Variants in GPC5 observed in about 807,000 individuals in gnomAD.
The protein encoded by GPC5 is glypican 5.
Under a neutral mutation model 53.9 loss-of-function variants are expected in GPC5, and 47 were observed. That is an observed-to-expected ratio of 0.87 (90% CI 0.69 to 1.11). The LOEUF is 1.11. Ranked by LOEUF, GPC5 falls within the 50% of genes most tolerant of loss-of-function variation. The pLI is 0.00. For synonymous variants in GPC5, 286 were observed against 263.3 expected (o/e 1.09, Z -0.84); for missense variants, 748 against 713.1 (o/e 1.05, Z -0.56).
At chr13:92,515,953 G>A (rs1001344322) in intron 7 of GPC5, among the ~76,000 whole-genome samples, 6 of 152,072 alleles carry the variant, frequency 3.9e-5, no homozygotes, top group African/African-American at 1.4e-4. Context: ...CAGACAAGAA[G>A]CACTTAAGCG....
chr13:91,848,351 G>A (rs942799726), intron 5 of GPC5, among the ~76,000 whole-genome samples: 3 of 152,166 alleles, frequency 2.0e-5, no homozygotes, highest in African/African-American at 2.4e-5. Context: ...CTCGCATACC[G>A]AAAACTAGTA....
chr13:92,445,179 T>TCTTTCCTTGCTCCTTTC (rs1877747150), intron 7 of GPC5, among the ~76,000 whole-genome samples: 1 of 151,202 alleles, frequency 6.6e-6, no homozygotes, highest in African/African-American at 2.4e-5. Context: ...TTTCTCCTTT[T>TCTTTCCTTGCTCCTTTC]CTTTCCTTGC....
intron 7 of GPC5, among the ~76,000 whole-genome samples, chr13:92,814,075 T>G (rs1298730808): frequency 6.6e-6 from 1 of 151,994 alleles, no homozygotes; most frequent in Non-Finnish European, 1.5e-5. Context: ...GAACCTGTAT[T>G]TATATGGTCA....
chr13:91,760,251 C>G (rs943235194), intron 5 of GPC5, among the ~76,000 whole-genome samples: 1 of 152,108 alleles, frequency 6.6e-6, no homozygotes, highest in African/African-American at 2.4e-5. Context: ...TATTGAACTG[C>G]TGAATTTATC....
At chr13:92,124,083 T>A (rs1275858170) in intron 6 of GPC5, among the ~76,000 whole-genome samples, 2 of 151,338 alleles carry the variant, frequency 1.3e-5, no homozygotes, top group Admixed American at 6.6e-5. Context: ...AAGGTACATA[T>A]AAACAATATA....
At chr13:92,791,524 T>C (rs1876463697) in intron 7 of GPC5, among the ~76,000 whole-genome samples, 1 of 151,904 alleles carries the variant, frequency 6.6e-6, no homozygotes, top group African/African-American at 2.4e-5. Context: ...TCATCATTTG[T>C]AGAGAATTTT....
chr13:92,803,112 T>C (rs1296017271), intron 7 of GPC5, among the ~76,000 whole-genome samples: 4 of 151,974 alleles, frequency 2.6e-5, no homozygotes, highest in Non-Finnish European at 5.9e-5. Flanking sequence ...TTGTTTAACT[T>C]GGCTAGAATT....
At chr13:92,170,810 T>C (rs918444246) in intron 7 of GPC5, among the ~76,000 whole-genome samples, 1 of 152,198 alleles carries the variant, frequency 6.6e-6, no homozygotes, top group Admixed American at 6.5e-5. Flanking sequence ...AAACTGTTGT[T>C]TTTTAAATTC....
chr13:92,359,877 G>T (rs2043551916), intron 7 of GPC5, among the ~76,000 whole-genome samples: 1 of 151,712 alleles, frequency 6.6e-6, no homozygotes, highest in Non-Finnish European at 1.5e-5. Flanking sequence ...TTTGACATGA[G>T]ATTGGGGTAG....
chr13:92,658,732 G>A (rs2139180103), intron 7 of GPC5, among the ~76,000 whole-genome samples: 1 of 151,904 alleles, frequency 6.6e-6, no homozygotes, highest in South Asian at 2.1e-4. Context: ...ATAGAGATGA[G>A]GAAAAAAAGA....
intron 2 of GPC5, among the ~76,000 whole-genome samples, chr13:91,534,209 CAT>C (rs35476128): frequency 0.73 from 111,323 of 151,816 alleles, 42,284 homozygotes; most frequent in East Asian, 1. Flanking sequence ...AGTTGAAAAA[CAT>C]ATTCTCCCCT....
intron 7 of GPC5, among the ~76,000 whole-genome samples, chr13:92,856,478 A>G (rs967955844): frequency 2.6e-5 from 4 of 151,992 alleles, no homozygotes; most frequent in African/African-American, 4.8e-5. Context: ...TGTAATATTG[A>G]AAGTGCCACC....
chr13:92,073,781 G>T (rs1338263577), intron 6 of GPC5, among the ~76,000 whole-genome samples: 1 of 152,066 alleles, frequency 6.6e-6, no homozygotes, highest in Non-Finnish European at 1.5e-5. Flanking sequence ...GTATGGTTTC[G>T]CTGTGTCCCC....
At chr13:92,471,721 T>G (rs576814399) in intron 7 of GPC5, among the ~76,000 whole-genome samples, 1 of 152,232 alleles carries the variant, frequency 6.6e-6, no homozygotes, top group African/African-American at 2.4e-5. Context: ...TACAGTGACT[T>G]TAAGACAACT....
intron 7 of GPC5, among the ~76,000 whole-genome samples, chr13:92,411,054 C>T (rs533492027): frequency 2.0e-5 from 3 of 152,144 alleles, no homozygotes; most frequent in East Asian, 1.9e-4. Context: ...GGCCATCCTA[C>T]GGTGAAACCC....
intron 7 of GPC5, among the ~76,000 whole-genome samples, chr13:92,503,001 A>G (rs1880245257): frequency 6.6e-6 from 1 of 152,014 alleles, no homozygotes; most frequent in South Asian, 2.1e-4. Context: ...GTTCTACAAT[A>G]ATAATCAACT....
chr13:92,858,594 T>A (rs772112330), intron 7 of GPC5, among the ~76,000 whole-genome samples: 2 of 152,020 alleles, frequency 1.3e-5, no homozygotes, highest in Non-Finnish European at 2.9e-5. Flanking sequence ...TAGTTAACAG[T>A]GAGAGTTAAA....
chr13:91,736,986 C>T (rs1254346933), intron 4 of GPC5, among the ~76,000 whole-genome samples: 3 of 150,988 alleles, frequency 2.0e-5, no homozygotes, highest in South Asian at 2.1e-4. Context: ...TGATGGTAGT[C>T]CCAGCTATTC....
intron 7 of GPC5, among the ~76,000 whole-genome samples, chr13:92,588,091 A>G (rs1016300515): frequency 2.6e-5 from 4 of 151,664 alleles, no homozygotes; most frequent in African/African-American, 7.3e-5. Flanking sequence ...CCAGCCCCCA[A>G]CAGGCCCTGG....
Sources: allele counts gnomAD v4.1 joint callset (sites outside exome capture counted in the v4.1 genomes callset), GRCh38; gene constraint gnomAD v4.1.1; transcripts MANE v1.5; gene names NCBI Gene and HGNC (gene_info 2026-07-23, HGNC 2026-07-21).